Variants in TMEM94 observed in about 807,000 individuals in gnomAD.
TMEM94 encodes transmembrane protein 94.
Under a neutral mutation model 158.6 loss-of-function variants are expected in TMEM94, and 81 were observed. That is an observed-to-expected ratio of 0.51 (90% CI 0.43 to 0.61). The LOEUF (loss-of-function observed/expected upper bound fraction) is 0.61. Among genes scored for constraint, TMEM94 ranks in the 20% least tolerant of loss-of-function variants. The pLI, the probability that TMEM94 is intolerant of heterozygous loss-of-function variation, is 0.00. For synonymous variants in TMEM94, 751 were observed against 730.7 expected, an observed-to-expected ratio of 1.03 and a Z score of -0.45; for missense variants, 1,435 against 1,762.0, an observed-to-expected ratio of 0.81 and a Z score of 3.32.
chr17:75,491,377 C>T lies in TMEM94; in HGVS notation c.1308C>T (p.Ser436=), dbSNP rs779004027. ...GCCCAGAGACTGTACTGTTCTTCAG[C>T]GGGAAGGTGGAGCCCCCTCACAGCA... is the stretch of plus-strand genomic sequence containing the variant. ...NPSPETVLFF[S]GKVEPPHSSH... is the part of the protein sequence containing the mutation. Residue 436 remains serine (S), a synonymous_variant, in exon 13 of 32, where the codon AGC becomes AGT. Transcript: ENST00000314256. The surrounding 1 kb of genome is among the most constrained non-coding windows in gnomAD (Gnocchi z 5.1). 13 of 1,614,100 alleles carry T rather than the reference C, an allele frequency of 8.1e-6. No homozygotes were observed. Among genetic ancestry groups the T allele is most frequent in the East Asian group, 2.2e-5 (1 of 44,884 alleles).
rs1252736473 is a variant in TMEM94 at position 75,497,791 on chromosome 17, C to T, written c.3418C>T (p.Leu1140=). The T allele has an allele frequency of 6.2e-7, 1 of 1,613,634 alleles. No homozygotes were observed. The highest frequency in any genetic ancestry group is 1.7e-5 in the Admixed American group (1 of 60,012). ...FCYPLLSISL[L]GKPPHSSIMS... is the part of the protein sequence containing the mutation. ...ATCTCTGCTTTTCAGCATCTCTCTG[C>T]TGGGGAAGCCCCCCCATAGCTCCAT... The change falls in exon 27 of 32, where the codon CTG becomes TTG. Residue 1140 remains leucine (L), a synonymous_variant. Coordinates refer to ENST00000314256, the MANE Select transcript of TMEM94 (RefSeq NM_014738.6).
intron 1 of TMEM94, among the ~76,000 whole-genome samples, chr17:75,463,035 AAAATATATATATATATAT>A (rs1463199603): frequency 5.6e-3 from 19 of 3,402 alleles, no homozygotes; most frequent in Non-Finnish European, 0.01. Flanking sequence ...AAAAAAAAAA[AAAATATATATATATATAT>A]ATATATATAT....
Position 75,491,874 on chromosome 17 carries a change from G to T in TMEM94, c.1570G>T (p.Glu524Ter). ...GSNVSFSRDT[E>*]GGEEEPSKTQ... The stretch of plus-strand genomic sequence containing the variant: ...CAACGTGAGCTTCAGCAGGGACACC[G>T]AGGGTGGTGAAGAAGAGCCCAGCAA... Residue 524 changes from glutamate to a stop codon, truncating the protein, a stop_gained, in exon 14 of 32, where the codon GAG becomes TAG. Coordinates refer to ENST00000314256, the MANE Select transcript of TMEM94 (RefSeq NM_014738.6). LOFTEE classifies it high-confidence loss of function. This position sits in a 1 kb window ranked among gnomAD's most constrained non-coding sequence, Gnocchi z 5.1. 1 of 1,613,500 alleles carries T rather than the reference G, an allele frequency of 6.2e-7. No homozygotes were observed. Among genetic ancestry groups the T allele is most frequent in the Non-Finnish European group, 8.5e-7 (1 of 1,179,808 alleles).
rs1459262034 is a variant in TMEM94 at position 75,494,912 on chromosome 17, T to C, written c.2606T>C (p.Met869Thr). 7.4e-6 allele frequency: 12 copies of C among 1,613,278 alleles called. No homozygotes were observed. The highest frequency in any genetic ancestry group is 1.0e-5 in the Non-Finnish European group (12 of 1,179,962). ...CTTTCACAGGTGTTTGCAGAAAAAA[T>C]GGGCCTGGAGACAGGCTGGAACTGC... ...ELKSKVFAEK[M>T]GLETGWNCHI... Residue 869 changes from methionine to threonine, a missense_variant, in exon 20 of 32, where the codon ATG (methionine) becomes ACG (threonine). Physicochemically the swap from Met to Thr is moderately conservative, Grantham distance 81. This residue lies in a region of TMEM94 where 1,051 missense variants were observed against 1,254.4 expected (regional missense o/e 0.84). Transcript: ENST00000314256.
At chr17:75,483,539 C>G (rs1231297919) in intron 2 of TMEM94, among the ~76,000 whole-genome samples, 1 of 151,466 alleles carries the variant, frequency 6.6e-6, no homozygotes. Context: ...TGGCTCACTG[C>G]AACCTCTGCC....
Position 75,495,552 on chromosome 17 carries a change from G to GC in TMEM94, c.2857dup (p.Arg953ProfsTer14). ...ATCTCTGCTTTCTCCAGGCCAAGCT[G>GC]CCCCGGGGTATCCACCAAGTGCGGC... On this transcript the variant is annotated frameshift_variant, in exon 22 of 32. Coordinates refer to ENST00000314256, the MANE Select transcript of TMEM94 (RefSeq NM_014738.6). LOFTEE classifies it high-confidence loss of function. The surrounding 1 kb of genome is among the most constrained non-coding windows in gnomAD (Gnocchi z 5.6). The GC allele has an allele frequency of 6.2e-7, 1 of 1,613,506 alleles. No individual in the cohort carries two copies. The highest frequency in any genetic ancestry group is 2.2e-5 in the East Asian group (1 of 44,882).
intron 24 of TMEM94, 108 bp from the exon 25 acceptor site, chr17:75,496,622 C>T (rs1337566980): frequency 1.4e-6 from 2 of 1,402,520 alleles, no homozygotes; most frequent in South Asian, 1.2e-5. Flanking sequence ...CTCTGCTCCC[C>T]TCGTAGAAGC....
chr17:75,493,630 C>T (rs199938004), intron 17 of TMEM94, 37 bp downstream of exon 17: 16 of 1,612,726 alleles, frequency 9.9e-6, no homozygotes, highest in Admixed American at 6.7e-5. Flanking sequence ...CAAGAGCAGT[C>T]GCGCTGCCGG....
chr17:75,487,291 T>C lies in TMEM94; in HGVS notation c.410-641T>C. 6.5e-6 allele frequency: 1 copy of C among 152,990 alleles called. No homozygotes were observed. 9.5% of individuals were successfully genotyped at this position (152,990 alleles called of 1,614,324 possible). On this transcript the variant is annotated intron_variant, in intron 5 of 31. Coordinates refer to ENST00000314256, the MANE Select transcript of TMEM94 (RefSeq NM_014738.6). The surrounding 1 kb of genome is among the most constrained non-coding windows in gnomAD (Gnocchi z 4.6). The stretch of plus-strand genomic sequence containing the variant: ...CTTCCTCTCCAGCCTCTTCTCTTCC[T>C]CCTCATTCTGATGCTGAAACTACTC...
intron 1 of TMEM94, among the ~76,000 whole-genome samples, chr17:75,458,981 C>T (rs56062763): frequency 0.082 from 12,273 of 150,134 alleles, 632 homozygotes; most frequent in East Asian, 0.19. Context: ...GGCGTGAACC[C>T]GGGAGGCAGA....
intron 1 of TMEM94, among the ~76,000 whole-genome samples, chr17:75,467,451 G>A (rs975211550): frequency 2.0e-5 from 3 of 149,048 alleles, no homozygotes; most frequent in African/African-American, 7.4e-5. Flanking sequence ...ATATACAATT[G>A]ATCTTGTCTT....
chr17:75,483,531 G>A (rs966774962), intron 2 of TMEM94, among the ~76,000 whole-genome samples: 7 of 151,474 alleles, frequency 4.6e-5, no homozygotes, highest in African/African-American at 1.7e-4. Context: ...CGTGATCTTG[G>A]CTCACTGCAA....
intron 2 of TMEM94, among the ~76,000 whole-genome samples, chr17:75,478,481 C>T (rs990890332): frequency 3.3e-5 from 5 of 152,120 alleles, no homozygotes; most frequent in African/African-American, 9.7e-5. Context: ...CTCTCGAAGG[C>T]GCCTTAGCCT....
At chr17:75,483,992 G>A (rs2146512392) in intron 2 of TMEM94, among the ~76,000 whole-genome samples, 1 of 152,318 alleles carries the variant, frequency 6.6e-6, no homozygotes, top group East Asian at 1.9e-4. Flanking sequence ...AGAACAGTCA[G>A]AGTCAACGGA....
Position 75,498,461 on chromosome 17 carries a change from C to T in TMEM94, c.3656C>T (p.Pro1219Leu), listed in dbSNP as rs749988038. The stretch of plus-strand genomic sequence containing the variant: ...TTTGGCAGCAACGACGACAGGGCTC[C>T]AGCCTGGTTTGAGGACTTTGCCAAT... ...VMLPSNDDRA[P>L]AWFEDFANGL... The change falls in exon 29 of 32, where the codon CCA becomes CTA. Residue 1219 changes from proline to leucine, a missense_variant. Pro to Leu is a moderately conservative substitution (Grantham distance 98). Coordinates refer to ENST00000314256, the MANE Select transcript of TMEM94 (RefSeq NM_014738.6). The surrounding 1 kb of genome is among the most constrained non-coding windows in gnomAD (Gnocchi z 6.7). The T allele has an allele frequency of 1.9e-6, 3 of 1,588,292 alleles. No homozygotes were observed. The highest frequency in any genetic ancestry group is 1.3e-5 in the African/African-American group (1 of 74,596).
chr17:75,469,186 TG>T (rs1439575023), intron 1 of TMEM94, among the ~76,000 whole-genome samples: 1 of 152,116 alleles, frequency 6.6e-6, no homozygotes, highest in Non-Finnish European at 1.5e-5. Context: ...TTGCACATGC[TG>T]GTGAGTGTGG....
intron 1 of TMEM94, 81 bp from the exon 2 acceptor site, chr17:75,471,719 A>G (rs935420320): frequency 3.7e-5 from 21 of 570,320 alleles, no homozygotes; most frequent in Non-Finnish European, 5.9e-5. Context: ...GTCTCAAAAA[A>G]AAAAAAAAAT....
rs569490219 is a variant in TMEM94 at position 75,481,676 on chromosome 17, C to T, written c.25-3752C>T. Reference sequence around the variant, plus strand: ...GACTCTGGGAGACAGAACTGTGGGCCGCATAGAGGGTGGGGAGAGCAGTGA... The same window carrying T: ...GACTCTGGGAGACAGAACTGTGGGCTGCATAGAGGGTGGGGAGAGCAGTGA... On this transcript the variant is annotated intron_variant, in intron 2 of 31. Transcript: ENST00000314256. 3.3e-5 allele frequency among the ~76,000 whole-genome samples: 5 copies of T among 152,322 alleles called. No homozygotes were observed. The South Asian group carries it at 6.2e-4, about 19-fold the overall frequency.
Position 75,492,584 on chromosome 17 carries a change from G to A in TMEM94, c.1707G>A (p.Gln569=), listed in dbSNP as rs1244072755. 6.2e-7 allele frequency: 1 copy of A among 1,614,068 alleles called. No individual in the cohort carries two copies. The highest frequency in any genetic ancestry group is 1.3e-5 in the African/African-American group (1 of 75,018). Residue 569 remains glutamine (Q), a synonymous_variant, in exon 15 of 32, where the codon CAG becomes CAA. Transcript: ENST00000314256. This position sits in a 1 kb window ranked among gnomAD's most constrained non-coding sequence, Gnocchi z 4.4. The part of the protein sequence containing the change: ...SQDQQNPSCI[Q]FDDSNWQLHL... ...ACCAGCAGAACCCCTCCTGCATCCA[G>A]TTTGATGACTCCAACTGGCAGCTGC...
Sources: gnomAD v4.1 joint callset for allele counts (sites outside exome capture counted in the v4.1 genomes callset) on GRCh38, gnomAD v4.1.1 for gene constraint, gnomAD v4.1.1 regional missense constraint, Gnocchi (gnomAD v3.1) non-coding constraint, MANE v1.5 for transcripts, NCBI Gene and HGNC (gene_info 2026-07-23, HGNC 2026-07-21) for gene names.